INTS11: variants seen among roughly 807,000 people sequenced by gnomAD.
The protein encoded by INTS11 is CPSF3-like protein.
In INTS11, 77 loss-of-function variants were observed where a neutral mutation model predicts 78.6. That is an observed-to-expected ratio of 0.98 (90% CI 0.81 to 1.18). The LOEUF (loss-of-function observed/expected upper bound fraction) is 1.18. INTS11 is among the 50% of genes most tolerant of loss of function. INTS11 has a pLI of 0.00. For missense variants in INTS11, 875 were observed against 825.9 expected (o/e 1.06, Z -0.73); for synonymous variants, 441 against 326.9 (o/e 1.35, Z -3.77).
At chr1:1,320,865 C>G in intron 2 of INTS11, 131 bp downstream of exon 2, 1 of 891,806 alleles carries the variant, frequency 1.1e-6, no homozygotes, top group Non-Finnish European at 1.9e-6. Flanking sequence ...CATCCCTGCT[C>G]CCCACAGGGT....
At chr1:1,321,947 C>T in intron 1 of INTS11, 2 of 1,396,014 alleles carry the variant, frequency 1.4e-6, no homozygotes, top group Non-Finnish European at 1.9e-6. Context: ...AAGCCAGCAC[C>T]ACACATCAGG....
rs1368935607 is a variant in INTS11 at position 1,311,883 on chromosome 1, C to T, written c.1779G>A (p.Lys593=). The stretch of plus-strand genomic sequence containing the variant: ...CTCAGCTGGGGGCCTGGGGGAGGCC[C>T]TTCTTCAGCAGAGATGTGAGGAAGC... ...LGSFLTSLLK[K]GLPQAPS The change falls in exon 17 of 17, where the codon AAG becomes AAA. Residue 593 remains lysine (K), a synonymous_variant. Transcript: ENST00000435064. 3 of 1,566,496 alleles carry T rather than the reference C, an allele frequency of 1.9e-6. No homozygotes were observed. Among genetic ancestry groups the T allele is most frequent in the Non-Finnish European group, 2.6e-6 (3 of 1,156,158 alleles).
At chr1:1,322,505 G>A (rs911317453) in intron 1 of INTS11, among the ~76,000 whole-genome samples, 5 of 124,334 alleles carry the variant, frequency 4.0e-5, no homozygotes, top group Non-Finnish European at 8.4e-5. Context: ...AACCATGACA[G>A]GAGACTGCTC....
intron 15 of INTS11, 30 bp downstream of exon 15, chr1:1,312,194 GGA>G: frequency 7.2e-7 from 1 of 1,394,162 alleles, no homozygotes; most frequent in Non-Finnish European, 9.5e-7. Context: ...AGGGCCCAAG[GGA>G]GTGGGGGGGG....
In INTS11 at chr1:1,312,584, C is replaced by T; in HGVS notation, c.1402+9G>A. 1.3e-6 allele frequency: 2 copies of T among 1,574,228 alleles called. No homozygotes were observed. Among genetic ancestry groups the T allele is most frequent in the Non-Finnish European group, 1.7e-6 (2 of 1,156,282 alleles). On this transcript the variant is annotated intron_variant, in intron 13 of 16. Transcript: ENST00000435064. ...GAGCACCCTGCCCTGCCCTGCCCAG[C>T]CCGCATACCCTGCGCCATCTCCCGC... is the stretch of plus-strand genomic sequence containing the variant.
rs533634810 is a variant in INTS11 at position 1,321,187 on chromosome 1, C to T, written c.29-94G>A. The T allele has an allele frequency of 1.1e-4, 99 of 937,488 alleles. No individual in the cohort carries two copies. The African/African-American group carries it at 1.4e-3, about 13-fold the overall frequency. The allele number at this position is 937,488 out of a possible 1,614,324, so 58.1% of individuals were successfully genotyped here. A position where few individuals can be genotyped will look rare whatever the true frequency, so the allele number is the denominator to read the frequency against. On this transcript the variant is annotated intron_variant, in intron 1 of 16. Coordinates refer to ENST00000435064, the MANE Select transcript of INTS11 (RefSeq NM_017871.6). ...CAGGACCCCAGTGCACTGAGGAAAC[C>T]GGACCAAGTCTGCTGTGTGGACAGA...
chr1:1,321,910 C>T, intron 1 of INTS11: 4 of 1,207,580 alleles, frequency 3.3e-6, no homozygotes, highest in Non-Finnish European at 4.4e-6. Flanking sequence ...CCACCCACCT[C>T]CCCCTGCCAG....
chr1:1,314,600 G>A lies in INTS11; in HGVS notation c.702+224C>T. The stretch of plus-strand genomic sequence containing the variant: ...GCTGCATGAGAGACAGAAGGAGCCT[G>A]GCCAGGGCTTCGTCCGCACCTGAGG... On this transcript the variant is annotated intron_variant, in intron 7 of 16. Coordinates refer to ENST00000435064, the MANE Select transcript of INTS11 (RefSeq NM_017871.6). The surrounding 1 kb of genome is among the most constrained non-coding windows in gnomAD (Gnocchi z 4.2). The A allele has an allele frequency of 1.5e-6, 1 of 649,934 alleles. No homozygotes were observed. The highest frequency in any genetic ancestry group is 2.6e-6 in the Non-Finnish European group (1 of 383,272). 40.3% of individuals were successfully genotyped at this position (649,934 alleles called of 1,614,324 possible). A position where few individuals can be genotyped will look rare whatever the true frequency, so the allele number is the denominator to read the frequency against.
rs1428049202 is a variant in INTS11 at position 1,311,822 on chromosome 1, G to A, written c.*37C>T. 5.9e-6 allele frequency: 9 copies of A among 1,527,720 alleles called. No homozygotes were observed. Among genetic ancestry groups the A allele is most frequent in the African/African-American group, 5.5e-5 (4 of 72,188 alleles). 94.6% of individuals were successfully genotyped at this position (1,527,720 alleles called of 1,614,324 possible). A position where few individuals can be genotyped will look rare whatever the true frequency, so the allele number is the denominator to read the frequency against. On this transcript the variant is annotated 3_prime_UTR_variant, in exon 17 of 17. Transcript: ENST00000435064. ...GCAGGCCCAGGGTCTGTCCAGCTGG[G>A]AGAGGGCAGAGGTGGCGGCTGGGTG...
At chr1:1,323,782 CAA>C (rs1291120443) in intron 1 of INTS11, among the ~76,000 whole-genome samples, 1 of 141,580 alleles carries the variant, frequency 7.1e-6, no homozygotes, top group Non-Finnish European at 1.5e-5. Context: ...TCAGGTAGAA[CAA>C]GAGCTAAAGT....
chr1:1,321,174 G>T, intron 1 of INTS11, 81 bp from the exon 2 acceptor site: 2 of 1,131,780 alleles, frequency 1.8e-6, no homozygotes, highest in Non-Finnish European at 2.6e-6. Context: ...GGACCCCAGT[G>T]CACTGAGGAA....
In INTS11 at chr1:1,314,696, C is replaced by T. The variant is rs562173750; in HGVS notation, c.702+128G>A. ...TCCTCAATGTTGAGCAAATCTTCTT[C>T]CCTCCCTGCCTGAAAATGCAGTACC... On this transcript the variant is annotated intron_variant, in intron 7 of 16. Transcript: ENST00000435064. This position sits in a 1 kb window ranked among gnomAD's most constrained non-coding sequence, Gnocchi z 4.2. 2.1e-3 allele frequency: 2,399 copies of T among 1,147,300 alleles called. 8 individuals are homozygous for T. Among genetic ancestry groups the T allele is most frequent in the Non-Finnish European group, 2.8e-3 (2,232 of 802,004 alleles). The allele number at this position is 1,147,300 out of a possible 1,614,324, so 71.1% of individuals were successfully genotyped here.
chr1:1,324,627 G>T lies in INTS11; in HGVS notation c.-19C>A. 1 of 1,598,652 alleles carries T rather than the reference G, an allele frequency of 6.3e-7. No individual in the cohort carries two copies. Among genetic ancestry groups the T allele is most frequent in the Non-Finnish European group, 8.5e-7 (1 of 1,174,458 alleles). ...CAGGCATCGTCTCCGCCGCGCTCCC[G>T]GACCCGCGAGGCCCGCCTGCGGTGA... is the stretch of plus-strand genomic sequence containing the variant. On this transcript the variant is annotated 5_prime_UTR_variant, in exon 1 of 17. Transcript: ENST00000435064.
In INTS11 at chr1:1,314,228, G is replaced by T; in HGVS notation, c.767+73C>A. On this transcript the variant is annotated intron_variant, in intron 8 of 16. Transcript: ENST00000435064. The surrounding 1 kb of genome is among the most constrained non-coding windows in gnomAD (Gnocchi z 4.2). ...CAAGATGCCACCGCTACGCTGGACA[G>T]GGCTGCCCACCAACTGGACTGTGTT... The T allele has an allele frequency of 7.2e-7, 1 of 1,381,880 alleles. No homozygotes were observed. Among genetic ancestry groups the T allele is most frequent in the Non-Finnish European group, 1.0e-6 (1 of 992,978 alleles). The allele number at this position is 1,381,880 out of a possible 1,614,324, so 85.6% of individuals were successfully genotyped here.
chr1:1,313,658 C>CA, intron 9 of INTS11, 66 bp from the exon 10 acceptor site: 1 of 1,610,750 alleles, frequency 6.2e-7, no homozygotes, highest in Non-Finnish European at 8.5e-7. Flanking sequence ...ACTGCAGGCC[C>CA]AAGCCCAGAC....
intron 1 of INTS11, chr1:1,323,017 A>C: frequency 3.6e-6 from 5 of 1,394,082 alleles, no homozygotes; most frequent in Non-Finnish European, 4.7e-6. Flanking sequence ...GCCAAATGGG[A>C]AAGGGGCAGG....
At chr1:1,321,801 T>A in intron 1 of INTS11, 1 of 792,518 alleles carries the variant, frequency 1.3e-6, no homozygotes, top group Non-Finnish European at 1.8e-6. Context: ...CTCAGCCCCC[T>A]CATGTGGCCT....
In INTS11 at chr1:1,312,056, G is replaced by T; in HGVS notation, c.1699C>A (p.Pro567Thr). The change falls in exon 16 of 17, where the codon CCA becomes ACA. Residue 567 changes from proline to threonine, a missense_variant. Coordinates refer to ENST00000435064, the MANE Select transcript of INTS11 (RefSeq NM_017871.6). The stretch of plus-strand genomic sequence containing the variant: ...GAGACCAGCAGCACCTTGGTGCCTG[G>T]GTCCTCAGAAGGGGCGGCGGCCTGG... ...LLQAAAPSED[P>T]GTKVLLVSWT... 6.4e-7 allele frequency: 1 copy of T among 1,573,676 alleles called. No individual in the cohort carries two copies.
At chr1:1,315,932 G>T (rs963368277) in intron 4 of INTS11, among the ~76,000 whole-genome samples, 6 of 152,278 alleles carry the variant, frequency 3.9e-5, no homozygotes, top group East Asian at 3.9e-4. Flanking sequence ...CGGGCAACGT[G>T]GACAAAGAAC....
Sources: allele counts gnomAD v4.1 joint callset (sites outside exome capture counted in the v4.1 genomes callset), GRCh38; gene constraint gnomAD v4.1.1; non-coding constraint Gnocchi (gnomAD v3.1); transcripts MANE v1.5; gene names NCBI Gene and HGNC (gene_info 2026-07-23, HGNC 2026-07-21).